SLIT2: variants seen among roughly 807,000 people sequenced by gnomAD.
The protein encoded by SLIT2 is slit guidance ligand 2, also known as slit homolog 2 protein.
In SLIT2, 41 loss-of-function variants were observed where a neutral mutation model predicts 185.7. The observed-to-expected ratio is 0.22, with a 90% CI of 0.17 to 0.29. SLIT2 has a LOEUF of 0.29. SLIT2 is among the 10% of genes least tolerant of loss of function. The pLI, the probability that SLIT2 is intolerant of heterozygous loss-of-function variation, is 1.00. For synonymous variants in SLIT2, 693 were observed against 680.2 expected (o/e 1.02, Z -0.29); for missense variants, 1,571 against 1,909.0 (o/e 0.82, Z 3.30).
intron 4 of SLIT2, among the ~76,000 whole-genome samples, chr4:20,333,167 G>A (rs549349222): frequency 2.6e-5 from 4 of 152,042 alleles, no homozygotes; most frequent in South Asian, 2.1e-4. Flanking sequence ...AATGAAAGCC[G>A]TTAAGCTTTA....
chr4:20,589,488 T>G (rs1577980061), intron 29 of SLIT2, among the ~76,000 whole-genome samples, 156 bp from the exon 30 acceptor site: 1 of 152,186 alleles, frequency 6.6e-6, no homozygotes, highest in East Asian at 1.9e-4. Context: ...GACCACCTGG[T>G]TCCATGCCTT....
intron 25 of SLIT2, among the ~76,000 whole-genome samples, chr4:20,552,054 C>T (rs963870564): frequency 1.3e-5 from 2 of 152,128 alleles, no homozygotes; most frequent in African/African-American, 4.8e-5. Flanking sequence ...TTTACATTTT[C>T]GTGTTTGAGC....
At chr4:20,565,887 A>T (rs1237377836) in intron 26 of SLIT2, among the ~76,000 whole-genome samples, 1 of 151,980 alleles carries the variant, frequency 6.6e-6, no homozygotes, top group Non-Finnish European at 1.5e-5. Context: ...GGACACTATC[A>T]TTTTCATGGA....
chr4:20,499,486 T>TTTTG (rs1156722699), intron 9 of SLIT2, among the ~76,000 whole-genome samples: 33 of 152,062 alleles, frequency 2.2e-4, no homozygotes, highest in African/African-American at 7.7e-4. Context: ...TGACTTTGTT[T>TTTTG]TTTGTTTGTT....
chr4:20,258,071 G>A, intron 3 of SLIT2, 132 bp downstream of exon 3: 1 of 522,934 alleles, frequency 1.9e-6, no homozygotes. Flanking sequence ...ATGAATGAGT[G>A]GTTTTCAGGT....
chr4:20,586,118 G>A (rs767292168), intron 29 of SLIT2, among the ~76,000 whole-genome samples: 4 of 152,004 alleles, frequency 2.6e-5, no homozygotes, highest in Admixed American at 6.6e-5. Context: ...CCTGAATCTC[G>A]CCACTGTTGC....
chr4:20,312,623 A>T (rs902990840), intron 4 of SLIT2, among the ~76,000 whole-genome samples: 3 of 151,640 alleles, frequency 2.0e-5, no homozygotes, highest in Admixed American at 2.0e-4. Context: ...AATACAAAAA[A>T]ATTAGCGGGT....
intron 4 of SLIT2, among the ~76,000 whole-genome samples, chr4:20,317,288 T>C (rs1332018590): frequency 6.6e-6 from 1 of 151,628 alleles, no homozygotes; most frequent in East Asian, 1.9e-4. Context: ...GTTGAACTCA[T>C]ATTTGTTAAA....
chr4:20,602,670 A>G (rs1728497778), intron 33 of SLIT2, among the ~76,000 whole-genome samples: 1 of 152,206 alleles, frequency 6.6e-6, no homozygotes, highest in African/African-American at 2.4e-5. Flanking sequence ...CTTGTACTCC[A>G]GGGACTACAC....
At chr4:20,582,948 G>A (rs1052236273) in intron 29 of SLIT2, among the ~76,000 whole-genome samples, 1 of 152,202 alleles carries the variant, frequency 6.6e-6, no homozygotes, top group Non-Finnish European at 1.5e-5. Context: ...ACCCTGGATA[G>A]AGATAATTTA....
intron 4 of SLIT2, among the ~76,000 whole-genome samples, chr4:20,291,007 G>A (rs1197657049): frequency 6.6e-6 from 1 of 151,916 alleles, no homozygotes; most frequent in Non-Finnish European, 1.5e-5. Context: ...TCCCAATCCA[G>A]GGGTGGCCCA....
At chr4:20,527,946 G>A (rs138729741) in intron 15 of SLIT2, among the ~76,000 whole-genome samples, 41 of 151,640 alleles carry the variant, frequency 2.7e-4, no homozygotes, top group African/African-American at 8.9e-4. Context: ...TTGGTCTTTG[G>A]CACCTTTTTT....
chr4:20,318,201 A>G (rs893045903), intron 4 of SLIT2, among the ~76,000 whole-genome samples: 1 of 152,156 alleles, frequency 6.6e-6, no homozygotes, highest in Non-Finnish European at 1.5e-5. Flanking sequence ...AGTAGATGCA[A>G]TGTAATCCAC....
At chr4:20,463,505 A>G (rs1468916598) in intron 4 of SLIT2, among the ~76,000 whole-genome samples, 24 of 104,836 alleles carry the variant, frequency 2.3e-4, no homozygotes, top group African/African-American at 7.6e-4. Context: ...GTGTGTGCGT[A>G]TATCCATATA....
At chr4:20,280,979 T>C (rs1427510936) in intron 4 of SLIT2, among the ~76,000 whole-genome samples, 1 of 151,998 alleles carries the variant, frequency 6.6e-6, no homozygotes, top group African/African-American at 2.4e-5. Context: ...ATTACAGGCA[T>C]GCGCCACCAC....
intron 9 of SLIT2, among the ~76,000 whole-genome samples, chr4:20,496,026 T>A (rs1347423245): frequency 6.6e-6 from 1 of 152,146 alleles, no homozygotes; most frequent in Non-Finnish European, 1.5e-5. Flanking sequence ...TACCATAAAT[T>A]GTTGGTTGAG....
chr4:20,524,755 G>A (rs893501495), intron 14 of SLIT2, among the ~76,000 whole-genome samples: 1 of 151,820 alleles, frequency 6.6e-6, no homozygotes, highest in African/African-American at 2.4e-5. Context: ...GCATTTATTT[G>A]TAAAAAGCTA....
intron 4 of SLIT2, among the ~76,000 whole-genome samples, chr4:20,344,703 G>C (rs1428914038): frequency 6.6e-6 from 1 of 152,094 alleles, no homozygotes; most frequent in Non-Finnish European, 1.5e-5. Context: ...ACTGCTTTGT[G>C]AATGGTCACT....
intron 4 of SLIT2, among the ~76,000 whole-genome samples, chr4:20,294,615 A>G (rs529397795): frequency 1.2e-4 from 19 of 152,284 alleles, no homozygotes; most frequent in African/African-American, 4.6e-4. Context: ...GGAAATTCAC[A>G]TTTTGTTTGT....
Sources: gnomAD v4.1 joint callset for allele counts (sites outside exome capture counted in the v4.1 genomes callset) on GRCh38, gnomAD v4.1.1 for gene constraint, MANE v1.5 for transcripts, NCBI Gene and HGNC (gene_info 2026-07-23, HGNC 2026-07-21) for gene names.